The following CWF19L1 variants were observed in gnomAD, a reference collection of about 807,000 sequenced individuals.
The protein encoded by CWF19L1 is CWF19-like protein 1.
A neutral mutation model predicts 69.7 loss-of-function variants in CWF19L1; 60 were observed. That is an observed-to-expected ratio of 0.86 (90% CI 0.70 to 1.07). The LOEUF is 1.07. Among genes scored for constraint, CWF19L1 ranks in the 50% least tolerant of loss-of-function variants. CWF19L1 has a pLI of 0.00. For missense variants in CWF19L1, 591 were observed against 638.9 expected, an observed-to-expected ratio of 0.92 and a Z score of 0.81; for synonymous variants, 209 against 222.2, an observed-to-expected ratio of 0.94 and a Z score of 0.53.
intron 9 of CWF19L1, 31 bp downstream of exon 9, chr10:100,245,768 T>A: frequency 1.9e-6 from 3 of 1,543,226 alleles, no homozygotes; most frequent in Non-Finnish European, 2.7e-6. Context: ...TTACTGTTCA[T>A]AGAAGAAACC....
At chr10:100,258,540 C>A (rs569277328) in intron 4 of CWF19L1, 1 of 152,132 alleles carries the variant, frequency 6.6e-6, no homozygotes, top group Non-Finnish European at 1.5e-5. Flanking sequence ...TTTCAAAATG[C>A]GTATCTGATA....
chr10:100,264,972 T>C (rs573294202), intron 1 of CWF19L1, among the ~76,000 whole-genome samples: 1 of 151,448 alleles, frequency 6.6e-6, no homozygotes, highest in Non-Finnish European at 1.5e-5. Context: ...AATACAGAAA[T>C]TAGCCAGGTG....
chr10:100,266,682 A>ATTTTTTTTT (rs35028554), intron 1 of CWF19L1, among the ~76,000 whole-genome samples: 1,940 of 134,978 alleles, frequency 0.014, 63 homozygotes, highest in African/African-American at 0.05. Context: ...CGCCTGGCTA[A>ATTTTTTTTT]TTTTTTTTTT....
chr10:100,252,534 TA>T (rs202238634), intron 6 of CWF19L1, among the ~76,000 whole-genome samples: 4,029 of 150,746 alleles, frequency 0.027, 74 homozygotes, highest in Middle Eastern at 0.055. Flanking sequence ...AGAAAAAAAA[TA>T]AAAAAAAATA....
At chr10:100,259,909 G>A (rs974503684) in intron 4 of CWF19L1, among the ~76,000 whole-genome samples, 3 of 152,168 alleles carry the variant, frequency 2.0e-5, no homozygotes, top group Non-Finnish European at 4.4e-5. Context: ...GCTCACGCCT[G>A]TAATCCCAGC....
At chr10:100,238,297 C>G in intron 10 of CWF19L1, 66 bp from the exon 11 acceptor site, 2 of 1,489,076 alleles carry the variant, frequency 1.3e-6, no homozygotes, top group East Asian at 2.3e-5. Context: ...GGAGAAAAAC[C>G]TATACAAAAA....
In CWF19L1 at chr10:100,260,527, A is replaced by ATT. The variant is rs768870380; in HGVS notation, c.188-210_188-209dup. Among the ~76,000 whole-genome samples, 9 of 147,628 alleles carry ATT rather than the reference A, an allele frequency of 6.1e-5. No individual in the cohort carries two copies. In the South Asian group the frequency reaches 8.6e-4, roughly 14 times the overall value. On this transcript the variant is annotated intron_variant, in intron 3 of 13. Coordinates refer to ENST00000354105, the MANE Select transcript of CWF19L1 (RefSeq NM_018294.6). ...GTAGCTTGGCTATTTTATTTATTTTATTTTTTTTTTTTTGAGACAGAGCCT... is the reference window on the plus strand; with the variant it reads ...GTAGCTTGGCTATTTTATTTATTTTATTTTTTTTTTTTTTTGAGACAGAGCCT...
chr10:100,243,792 AAG>A lies in CWF19L1; in HGVS notation c.965-17_965-16del. The A allele has an allele frequency of 6.2e-7, 1 of 1,611,148 alleles. No individual in the cohort carries two copies. Among genetic ancestry groups the A allele is most frequent in the Non-Finnish European group, 8.5e-7 (1 of 1,177,280 alleles). On this transcript the variant is annotated splice_polypyrimidine_tract_variant and intron_variant, in intron 9 of 13. Transcript: ENST00000354105. ...TGGAGGCTGAGCTTCATGTAAAAGA[AAG>A]CCAGGTGTTACTATGGTCCAAGCAC... is the stretch of plus-strand genomic sequence containing the variant.
At position 100,233,240 on chromosome 10, in the gene CWF19L1, G is replaced by A. The variant is rs1298665817; in HGVS notation, c.1604C>T (p.Thr535Ile). ...CTTCCCTTTGTTTTAGTCATCCAGA[G>A]TAAAGTCATAGGGCTCAAAGTCTTT... Reference protein sequence around the residue: ...FRKDFEPYDFTLDD With the variant: ...FRKDFEPYDFILDD Residue 535 changes from threonine (T) to isoleucine (I), a missense_variant, in exon 14 of 14, where the codon ACT (threonine) becomes ATT (isoleucine). Physicochemically the swap from Thr to Ile is moderately conservative, Grantham distance 89. This residue lies in a region of CWF19L1 where 458 missense variants were observed against 489.3 expected (regional missense o/e 0.94). Transcript: ENST00000354105. 1.2e-6 allele frequency: 2 copies of A among 1,612,412 alleles called. No individual in the cohort carries two copies. Among genetic ancestry groups the A allele is most frequent in the African/African-American group, 1.3e-5 (1 of 74,910 alleles).
At chr10:100,241,196 A>G (rs1305360236) in intron 10 of CWF19L1, among the ~76,000 whole-genome samples, 1 of 151,844 alleles carries the variant, frequency 6.6e-6, no homozygotes, top group East Asian at 1.9e-4. Flanking sequence ...CAGTAGAGAC[A>G]GGGTTTCACC....
chr10:100,262,287 G>A (rs1847430322), intron 1 of CWF19L1: 1 of 985,342 alleles, frequency 1.0e-6, no homozygotes, highest in Non-Finnish European at 1.2e-6. Context: ...CTCCACAATT[G>A]AGCCAGCTTC....
At chr10:100,255,938 A>C (rs1564859887) in intron 5 of CWF19L1, among the ~76,000 whole-genome samples, 1 of 141,018 alleles carries the variant, frequency 7.1e-6, no homozygotes, top group Non-Finnish European at 1.5e-5. Flanking sequence ...TCAAAAAAAA[A>C]CAAAAAACAA....
In CWF19L1 at chr10:100,238,158, G is replaced by T; in HGVS notation, c.1118C>A (p.Ser373Ter). ...CACCTCTGCTGAAAGCTCCACCACT[G>T]ACTGGTAGTGTCCAATAGGCAGGAT... ...VLILPIGHYQ[S>*]VVELSAEVVE... The change falls in exon 11 of 14, where the codon TCA becomes TAA. Residue 373 changes from serine to a stop codon, truncating the protein, a stop_gained. Transcript: ENST00000354105. LOFTEE classifies it high-confidence loss of function. The T allele has an allele frequency of 6.2e-7, 1 of 1,614,128 alleles. No homozygotes were observed. The highest frequency in any genetic ancestry group is 8.5e-7 in the Non-Finnish European group (1 of 1,180,020).
chr10:100,251,744 C>T (rs1376835756), intron 6 of CWF19L1, among the ~76,000 whole-genome samples: 1 of 152,050 alleles, frequency 6.6e-6, no homozygotes, highest in Non-Finnish European at 1.5e-5. Context: ...ATCTCCTGAC[C>T]TCATGATCTG....
intron 1 of CWF19L1, among the ~76,000 whole-genome samples, chr10:100,266,026 GAA>G (rs1465106976): frequency 6.6e-6 from 1 of 151,920 alleles, no homozygotes; most frequent in East Asian, 1.9e-4. Flanking sequence ...TCATTTCTCA[GAA>G]CATAACCCTG....
At chr10:100,244,402 G>T (rs966090651) in intron 9 of CWF19L1, among the ~76,000 whole-genome samples, 2 of 152,088 alleles carry the variant, frequency 1.3e-5, no homozygotes, top group Admixed American at 6.5e-5. Context: ...GTCGCCTAGG[G>T]TGGAGTACAG....
intron 10 of CWF19L1, among the ~76,000 whole-genome samples, chr10:100,240,094 G>T (rs1304455637): frequency 6.6e-6 from 1 of 152,046 alleles, no homozygotes; most frequent in Non-Finnish European, 1.5e-5. Flanking sequence ...ATAGTTTCAC[G>T]CTTGCCTAAT....
intron 3 of CWF19L1, 24 bp from the exon 4 acceptor site, chr10:100,260,343 A>T: frequency 7.7e-7 from 1 of 1,306,406 alleles, no homozygotes; most frequent in Non-Finnish European, 1.1e-6. Flanking sequence ...CAGACATGAC[A>T]CCATATAGTT....
At chr10:100,257,335 C>T (rs1847247859) in intron 4 of CWF19L1, among the ~76,000 whole-genome samples, 1 of 132,900 alleles carries the variant, frequency 7.5e-6, no homozygotes, top group Non-Finnish European at 1.5e-5. Context: ...CGCTCTGTTG[C>T]CAGGCTGGAG....
Sources: allele counts gnomAD v4.1 joint callset (sites outside exome capture counted in the v4.1 genomes callset), GRCh38; gene constraint gnomAD v4.1.1; regional missense constraint gnomAD v4.1.1; transcripts MANE v1.5; gene names NCBI Gene and HGNC (gene_info 2026-07-23, HGNC 2026-07-21).